Variants in KGD4 observed in about 807,000 individuals in gnomAD.
KGD4 encodes alpha-ketoglutarate dehydrogenase component 4.
At chr5:69,224,112 C>T in the KGD4 span, among the ~76,000 whole-genome samples, 6 of 151,732 alleles carry the variant, frequency 4.0e-5, no homozygotes, top group Admixed American at 3.3e-4. Context: ...TAATTTGGGC[C>T]GGGCATGGTG....
chr5:69,224,601 C>A, the KGD4 span, among the ~76,000 whole-genome samples: 1 of 151,930 alleles, frequency 6.6e-6, no homozygotes. Flanking sequence ...ACACTCAAAA[C>A]AAGTCAGGAG....
the KGD4 span, among the ~76,000 whole-genome samples, chr5:69,218,864 T>C: frequency 1.3e-5 from 2 of 152,208 alleles, no homozygotes; most frequent in Admixed American, 6.5e-5. Flanking sequence ...GAATGATCCT[T>C]ACTTATTCAG....
the KGD4 span, chr5:69,218,121 G>C: frequency 1.1e-5 from 6 of 570,986 alleles, no homozygotes; most frequent in East Asian, 3.1e-5. Flanking sequence ...GGTAGGTCCT[G>C]TACCTACTGC....
the KGD4 span, among the ~76,000 whole-genome samples, chr5:69,221,002 A>T: frequency 3.9e-5 from 6 of 152,154 alleles, no homozygotes; most frequent in Non-Finnish European, 1.5e-5. Context: ...GTTAAGAGTC[A>T]TCACCACTCC....
At chr5:69,217,895 G>A in the KGD4 span, 1 of 1,614,066 alleles carries the variant, frequency 6.2e-7, no homozygotes, top group East Asian at 2.2e-5. Context: ...TCGCGTTTCC[G>A]CATCTTGGGC....
chr5:69,223,074 C>CTTTGTTTTT, the KGD4 span, among the ~76,000 whole-genome samples: 1 of 59,128 alleles, frequency 1.7e-5, no homozygotes, highest in Non-Finnish European at 2.8e-5. Flanking sequence ...CGGTGCGCAG[C>CTTTGTTTTT]TTTTTTTTTT....
the KGD4 span, chr5:69,218,057 G>A: frequency 1.1e-6 from 1 of 918,550 alleles, no homozygotes; most frequent in East Asian, 2.6e-5. Context: ...GGGCAGTGAG[G>A]TGGGTCCGGC....
chr5:69,217,817 C>T, the KGD4 span: 2 of 1,613,938 alleles, frequency 1.2e-6, no homozygotes, highest in South Asian at 1.1e-5. Context: ...GAAACTGCCC[C>T]TTCTCGGGGG....
chr5:69,220,746 G>C, the KGD4 span, among the ~76,000 whole-genome samples: 3 of 151,066 alleles, frequency 2.0e-5, no homozygotes, highest in Non-Finnish European at 4.4e-5. Context: ...GAAAAGAAAA[G>C]GGGGAAATGT....
chr5:69,226,753 G>A, the KGD4 span, among the ~76,000 whole-genome samples: 1 of 151,954 alleles, frequency 6.6e-6, no homozygotes, highest in Non-Finnish European at 1.5e-5. Flanking sequence ...GGAGGCTGAG[G>A]CATAGAATTG....
the KGD4 span, among the ~76,000 whole-genome samples, chr5:69,222,836 G>C: frequency 4.6e-5 from 7 of 151,906 alleles, no homozygotes; most frequent in Admixed American, 3.9e-4. Context: ...ACTCAGGCTG[G>C]AGTGCAGTGG....
the KGD4 span, chr5:69,217,783 T>C: frequency 6.2e-7 from 1 of 1,610,718 alleles, no homozygotes; most frequent in Non-Finnish European, 8.5e-7. Context: ...ACTCCAGTGA[T>C]CGCCGCGGCT....
At chr5:69,226,052 A>G in the KGD4 span, among the ~76,000 whole-genome samples, 1 of 152,182 alleles carries the variant, frequency 6.6e-6, no homozygotes, top group Non-Finnish European at 1.5e-5. Flanking sequence ...TTACCAATCT[A>G]TAAGTCATGC....
At chr5:69,227,151 A>G in the KGD4 span, among the ~76,000 whole-genome samples, 4 of 152,158 alleles carry the variant, frequency 2.6e-5, no homozygotes, top group East Asian at 7.7e-4. Flanking sequence ...GATTACAGGC[A>G]TGAGCCACTC....
chr5:69,221,152 C>G, the KGD4 span, among the ~76,000 whole-genome samples: 3 of 151,552 alleles, frequency 2.0e-5, no homozygotes, highest in African/African-American at 7.3e-5. Context: ...CCACATCCCC[C>G]TCTCCGAGAA....
chr5:69,226,702 AG>A, the KGD4 span, among the ~76,000 whole-genome samples: 1 of 152,022 alleles, frequency 6.6e-6, no homozygotes, highest in African/African-American at 2.4e-5. Context: ...ACAAAAAATT[AG>A]CCAGGCGTGG....
the KGD4 span, among the ~76,000 whole-genome samples, chr5:69,219,491 A>G: frequency 3.9e-5 from 6 of 152,108 alleles, no homozygotes; most frequent in East Asian, 9.6e-4. Flanking sequence ...AACAATCTCT[A>G]TGTCTGTCTT....
At chr5:69,218,592 T>C in the KGD4 span, among the ~76,000 whole-genome samples, 1 of 152,146 alleles carries the variant, frequency 6.6e-6, no homozygotes, top group African/African-American at 2.4e-5. Context: ...TAACTCCTGA[T>C]AGCCTTTTTA....
the KGD4 span, among the ~76,000 whole-genome samples, chr5:69,221,007 C>T: frequency 6.6e-6 from 1 of 152,082 alleles, no homozygotes; most frequent in African/African-American, 2.4e-5. Context: ...GAGTCATCAC[C>T]ACTCCCTAAT....
Sources: allele counts gnomAD v4.1 joint callset (sites outside exome capture counted in the v4.1 genomes callset), GRCh38; gene constraint gnomAD v4.1.1; transcripts MANE v1.5; gene names NCBI Gene and HGNC (gene_info 2026-07-23, HGNC 2026-07-21).